CREBBP: variants seen among roughly 807,000 people sequenced by gnomAD.
CREBBP encodes the protein CREB-binding protein.
A neutral mutation model predicts 265.0 loss-of-function variants in CREBBP; 19 were observed. That is an observed-to-expected ratio of 0.07 (90% CI 0.05 to 0.11). The LOEUF (loss-of-function observed/expected upper bound fraction) is 0.11, where lower values mean the gene tolerates loss of function less well. CREBBP is among the 10% of genes least tolerant of loss of function. The probability of loss-of-function intolerance (pLI) is 1.00; values close to 1 mark genes in which losing one functional copy is unlikely to be tolerated. For synonymous variants in CREBBP, 1,457 were observed against 1,223.7 expected (o/e 1.19, Z -3.98); for missense variants, 2,525 against 3,219.0 (o/e 0.78, Z 5.22).
At chr16:3,869,243 C>A (rs893313517) in intron 1 of CREBBP, among the ~76,000 whole-genome samples, 2 of 152,244 alleles carry the variant, frequency 1.3e-5, no homozygotes, top group Admixed American at 6.5e-5. Context: ...TCACACCTGA[C>A]TGCAGTTACC....
rs78989292 is a variant in CREBBP at position 3,726,528 on chromosome 16, C to T, written c.*1190G>A. 1.4e-3 allele frequency: 336 copies of T among 233,854 alleles called. No homozygotes were observed. Among genetic ancestry groups the T allele is most frequent in the Non-Finnish European group, 2.3e-3 (272 of 118,094 alleles). 14.5% of individuals were successfully genotyped at this position (233,854 alleles called of 1,614,324 possible). On this transcript the variant is annotated 3_prime_UTR_variant, in exon 31 of 31. Transcript: ENST00000262367. ...GCCGCCACAACCACAACCGCAGCCC[C>T]AGCCTCTCCGCTATGAGCGAACAAC...
chr16:3,826,239 T>C (rs1002770568), intron 2 of CREBBP, among the ~76,000 whole-genome samples: 2 of 152,140 alleles, frequency 1.3e-5, no homozygotes, highest in East Asian at 1.9e-4. Context: ...GATGAATACA[T>C]ATCATGTAAA....
At chr16:3,795,746 GAGAAATCAACAGGA>G (rs2053595477) in intron 3 of CREBBP, among the ~76,000 whole-genome samples, 1 of 152,092 alleles carries the variant, frequency 6.6e-6, no homozygotes, top group Admixed American at 6.5e-5. Flanking sequence ...AAGGTCCATC[GAGAAATCAACAGGA>G]ATGGAGATAT....
At chr16:3,856,237 C>T (rs1429209920) in intron 1 of CREBBP, among the ~76,000 whole-genome samples, 3 of 152,090 alleles carry the variant, frequency 2.0e-5, no homozygotes, top group Admixed American at 1.3e-4. Context: ...CCAATTCTCC[C>T]GCTTCAGCCC....
intron 18 of CREBBP, 113 bp downstream of exon 18, chr16:3,757,696 G>T: frequency 1.4e-6 from 2 of 1,438,308 alleles, no homozygotes; most frequent in Non-Finnish European, 1.9e-6. Context: ...TCACCAGACA[G>T]CAGATTGCAC....
chr16:3,758,713 G>A, intron 17 of CREBBP, 141 bp downstream of exon 17: 2 of 750,268 alleles, frequency 2.7e-6, no homozygotes, highest in Non-Finnish European at 2.3e-6. Context: ...ACTGATAACT[G>A]TTAACAGACA....
At chr16:3,817,143 G>A (rs1243532458) in intron 2 of CREBBP, among the ~76,000 whole-genome samples, 1 of 152,174 alleles carries the variant, frequency 6.6e-6, no homozygotes, top group Non-Finnish European at 1.5e-5. Context: ...GGGTGTGTGT[G>A]ATCACAGCAG....
In CREBBP at chr16:3,777,403, T is replaced by C. The variant is rs573084543; in HGVS notation, c.2158+210A>G. Among the ~76,000 whole-genome samples the C allele has an allele frequency of 1.4e-4, 21 of 152,274 alleles. 1 individual carries two copies. The highest frequency in any genetic ancestry group is 6.8e-3 in the Middle Eastern group (2 of 292). ...AAATAAATAGCTAAATACTGCTTCTTATCTCTTGGAAGATCTTTCCTATAA... is the reference window on the plus strand; with the variant it reads ...AAATAAATAGCTAAATACTGCTTCTCATCTCTTGGAAGATCTTTCCTATAA... On this transcript the variant is annotated intron_variant, in intron 11 of 30. Transcript: ENST00000262367.
chr16:3,797,071 C>CT (rs1406758199), intron 3 of CREBBP, among the ~76,000 whole-genome samples: 1 of 152,198 alleles, frequency 6.6e-6, no homozygotes, highest in East Asian at 1.9e-4. Flanking sequence ...GCCCCCAAAT[C>CT]TGTCAGAAGC....
chr16:3,836,754 G>A (rs996422866), intron 2 of CREBBP, among the ~76,000 whole-genome samples: 2 of 151,982 alleles, frequency 1.3e-5, no homozygotes, highest in African/African-American at 2.4e-5. Context: ...ATGGTTTTTC[G>A]TACAAGAACA....
intron 3 of CREBBP, 27 bp from the exon 4 acceptor site, chr16:3,793,653 A>G (rs746532335): frequency 6.2e-7 from 1 of 1,609,336 alleles, no homozygotes; most frequent in South Asian, 1.1e-5. Context: ...TAATAAAAAT[A>G]CTTTAACCTC....
At chr16:3,863,758 G>A (rs1448109905) in intron 1 of CREBBP, among the ~76,000 whole-genome samples, 2 of 152,148 alleles carry the variant, frequency 1.3e-5, no homozygotes, top group Admixed American at 6.6e-5. Flanking sequence ...CCAAGACAAC[G>A]TTAGTTTCCT....
At chr16:3,828,031 T>G (rs1173811470) in intron 2 of CREBBP, among the ~76,000 whole-genome samples, 2 of 152,154 alleles carry the variant, frequency 1.3e-5, no homozygotes, top group Non-Finnish European at 2.9e-5. Context: ...AAATTAATTA[T>G]GCTGGCCTCT....
intron 2 of CREBBP, among the ~76,000 whole-genome samples, chr16:3,842,553 T>G (rs2054584102): frequency 6.6e-6 from 1 of 152,170 alleles, no homozygotes; most frequent in Admixed American, 6.5e-5. Flanking sequence ...TATCATGCCT[T>G]CTATCACAAA....
At chr16:3,867,883 A>G (rs1276587045) in intron 1 of CREBBP, among the ~76,000 whole-genome samples, 2 of 152,164 alleles carry the variant, frequency 1.3e-5, no homozygotes, top group Non-Finnish European at 2.9e-5. Flanking sequence ...CTGTGATCAA[A>G]TAAATGCACA....
chr16:3,858,548 C>T (rs571958387), intron 1 of CREBBP, among the ~76,000 whole-genome samples: 2 of 152,352 alleles, frequency 1.3e-5, no homozygotes, highest in South Asian at 4.1e-4. Flanking sequence ...TGCTTATCTA[C>T]TCAGTGCCTA....
At chr16:3,863,916 G>A (rs1291195386) in intron 1 of CREBBP, among the ~76,000 whole-genome samples, 1 of 152,176 alleles carries the variant, frequency 6.6e-6, no homozygotes, top group Admixed American at 6.5e-5. Flanking sequence ...TGGGACAGGG[G>A]AGCAAAAACG....
At chr16:3,788,838 G>C (rs1165909502) in intron 5 of CREBBP, among the ~76,000 whole-genome samples, 1 of 152,174 alleles carries the variant, frequency 6.6e-6, no homozygotes, top group Admixed American at 6.5e-5. Flanking sequence ...TGCAGTCCCA[G>C]GTACTCAGGA....
intron 1 of CREBBP, among the ~76,000 whole-genome samples, chr16:3,878,831 A>T (rs1344663331): frequency 6.6e-6 from 1 of 152,244 alleles, no homozygotes; most frequent in Non-Finnish European, 1.5e-5. Flanking sequence ...GAGGAAATAC[A>T]ACTAGTTCAT....
Sources: gnomAD v4.1 joint callset for allele counts (sites outside exome capture counted in the v4.1 genomes callset) on GRCh38, gnomAD v4.1.1 for gene constraint, MANE v1.5 for transcripts, NCBI Gene and HGNC (gene_info 2026-07-23, HGNC 2026-07-21) for gene names.